ARAP2: variants seen among roughly 807,000 people sequenced by gnomAD.
ARAP2 encodes arf-GAP with Rho-GAP domain, ANK repeat and PH domain-containing protein 2.
Under a neutral mutation model 194.5 loss-of-function variants are expected in ARAP2, and 148 were observed. The observed-to-expected ratio is 0.76, with a 90% CI of 0.67 to 0.87. The LOEUF (loss-of-function observed/expected upper bound fraction) is 0.87. ARAP2 is among the 40% of genes least tolerant of loss of function. The pLI is 0.00. For missense variants in ARAP2, 2,128 were observed against 1,989.7 expected (o/e 1.07, Z -1.32); for synonymous variants, 695 against 683.5 (o/e 1.02, Z -0.26).
At chr4:36,153,612 A>C (rs1366104683) in intron 15 of ARAP2, among the ~76,000 whole-genome samples, 3 of 152,192 alleles carry the variant, frequency 2.0e-5, no homozygotes, top group Non-Finnish European at 4.4e-5. Flanking sequence ...AGTGAAGAAA[A>C]ACATTACGAC....
intron 26 of ARAP2, among the ~76,000 whole-genome samples, chr4:36,112,165 C>T (rs1577927679): frequency 6.6e-6 from 1 of 151,932 alleles, no homozygotes; most frequent in South Asian, 2.1e-4. Flanking sequence ...TTTTGCCCCA[C>T]TTCAGTTGAA....
chr4:36,168,810 T>C (rs1339566507), intron 9 of ARAP2, among the ~76,000 whole-genome samples: 3 of 152,078 alleles, frequency 2.0e-5, no homozygotes, highest in African/African-American at 4.8e-5. Context: ...ATAATTAGAA[T>C]GGGAGTGCCA....
chr4:36,024,504 T>C (rs1232998093), intron 5 of ARAP2, among the ~76,000 whole-genome samples: 1 of 152,126 alleles, frequency 6.6e-6, no homozygotes, highest in Non-Finnish European at 1.5e-5. Context: ...TATTCTTATA[T>C]TGTAGAAGGA....
rs781103770 is a variant in ARAP2, at chr4:36,228,599, T to G, written c.888A>C (p.Thr296=). The change falls in exon 2 of 33, where the codon ACA becomes ACC. Residue 296 remains threonine, a synonymous_variant. Coordinates refer to ENST00000303965, the MANE Select transcript of ARAP2 (RefSeq NM_015230.4). ...ATTCTTACCTCCCAGAAACTCCTTTTGTTGACCCTGGAATCTCTGGTACAG... is the reference window on the plus strand; with the variant it reads ...ATTCTTACCTCCCAGAAACTCCTTTGGTTGACCCTGGAATCTCTGGTACAG... The part of the protein sequence containing the change: ...HRPVPEIPGS[T]KGVSGSYFRE... The G allele has an allele frequency of 6.3e-7, 1 of 1,594,812 alleles. No individual in the cohort carries two copies.
At chr4:36,192,916 A>C (rs1311297664) in intron 7 of ARAP2, among the ~76,000 whole-genome samples, 1 of 152,196 alleles carries the variant, frequency 6.6e-6, no homozygotes, top group Non-Finnish European at 1.5e-5. Context: ...GAATCGCTGG[A>C]ACCCAGAAGG....
intron 27 of ARAP2, among the ~76,000 whole-genome samples, chr4:36,100,916 C>T (rs1716723055): frequency 6.6e-6 from 1 of 151,926 alleles, no homozygotes; most frequent in South Asian, 2.1e-4. Context: ...AATCTATTCT[C>T]CTTTATGTTA....
chr4:36,164,339 C>T (rs1013018981), intron 11 of ARAP2, among the ~76,000 whole-genome samples: 1 of 152,158 alleles, frequency 6.6e-6, no homozygotes, highest in African/African-American at 2.4e-5. Flanking sequence ...CTTCCTTCCA[C>T]TCACTTGGGC....
intron 5 of ARAP2, among the ~76,000 whole-genome samples, chr4:36,025,754 T>C (rs150476425): frequency 1.3e-5 from 2 of 151,730 alleles, no homozygotes; most frequent in Admixed American, 6.6e-5. Flanking sequence ...GATAATGGTA[T>C]CACGTAAAAT....
At chr4:36,051,998 A>C (rs1722749157) in intron 3 of ARAP2, 1 of 152,230 alleles carries the variant, frequency 6.6e-6, no homozygotes, top group South Asian at 2.1e-4. Context: ...ACCTTTAACG[A>C]AACTAACCAT....
chr4:36,181,124 T>C (rs1261955234), intron 8 of ARAP2, among the ~76,000 whole-genome samples: 1 of 152,206 alleles, frequency 6.6e-6, no homozygotes, highest in Non-Finnish European at 1.5e-5. Flanking sequence ...TTCTTATTCT[T>C]ACCGATAACA....
chr4:36,046,193 C>T (rs1307858007), intron 4 of ARAP2: 1 of 153,378 alleles, frequency 6.5e-6, no homozygotes, highest in East Asian at 1.9e-4. Context: ...CTCTCTCTCT[C>T]TCTGTTTTGA....
At chr4:36,077,666 T>C (rs945192395) in intron 31 of ARAP2, among the ~76,000 whole-genome samples, 6 of 152,084 alleles carry the variant, frequency 3.9e-5, no homozygotes, top group South Asian at 2.1e-4. Flanking sequence ...TCATCCCACT[T>C]GCATCTTTGA....
intron 27 of ARAP2, among the ~76,000 whole-genome samples, chr4:36,093,879 C>T (rs1171551088): frequency 2.0e-5 from 3 of 152,142 alleles, no homozygotes; most frequent in Non-Finnish European, 4.4e-5. Flanking sequence ...TTTGGTAAAA[C>T]CCCAATTCTA....
chr4:36,133,163 TA>T, intron 20 of ARAP2, 62 bp downstream of exon 20: 1 of 1,555,546 alleles, frequency 6.4e-7, no homozygotes, highest in East Asian at 2.3e-5. Flanking sequence ...AGGTACCACT[TA>T]AAAACCTGTA....
chr4:36,139,702 G>C (rs1727765229), intron 19 of ARAP2, among the ~76,000 whole-genome samples: 1 of 151,460 alleles, frequency 6.6e-6, no homozygotes, highest in African/African-American at 2.4e-5. Context: ...CTTGTAAATA[G>C]TTTTATAGCT....
At chr4:36,130,064 C>G (rs916050627) in intron 20 of ARAP2, among the ~76,000 whole-genome samples, 1 of 151,936 alleles carries the variant, frequency 6.6e-6, no homozygotes. Context: ...TACTGCATCA[C>G]ATAGATTCTT....
rs546727815 is a variant in ARAP2 at position 36,123,227 on chromosome 4, GA to G, written c.3746+1634del. Among the ~76,000 whole-genome samples, 9 of 151,868 alleles carry G rather than the reference GA, an allele frequency of 5.9e-5. No homozygotes were observed. The East Asian group carries it at 1.6e-3, about 26-fold the overall frequency. The stretch of plus-strand genomic sequence containing the variant: ...CTAGAATCTATGTATCTCACAGTCA[GA>G]AACTCTTTAATTACATTGTGGTGCA... On this transcript the variant is annotated intron_variant, in intron 22 of 32. Transcript: ENST00000303965.
intron 19 of ARAP2, among the ~76,000 whole-genome samples, chr4:36,146,891 GAATA>G (rs961454143): frequency 5.3e-5 from 8 of 151,880 alleles, no homozygotes; most frequent in African/African-American, 1.7e-4. Context: ...CTGAAAAACT[GAATA>G]AATTCAAGAA....
intron 31 of ARAP2, among the ~76,000 whole-genome samples, chr4:36,077,432 C>G (rs1367894626): frequency 2.6e-5 from 4 of 152,008 alleles, no homozygotes; most frequent in Non-Finnish European, 4.4e-5. Context: ...TCTCTTCTAC[C>G]TATTAAACCT....
Sources: allele counts gnomAD v4.1 joint callset (sites outside exome capture counted in the v4.1 genomes callset), GRCh38; gene constraint gnomAD v4.1.1; transcripts MANE v1.5; gene names NCBI Gene and HGNC (gene_info 2026-07-23, HGNC 2026-07-21).